The following DLGAP1 variants were observed in gnomAD, a reference collection of about 807,000 sequenced individuals.
DLGAP1 encodes DLG associated protein 1.
DLGAP1 carries 11 observed loss-of-function variants against 90.8 expected under a neutral mutation model. That is an observed-to-expected ratio of 0.12 (90% confidence interval 0.08 to 0.20). DLGAP1 has a LOEUF of 0.20. Ranked by LOEUF, DLGAP1 falls within the 10% of genes least tolerant of loss-of-function variation. DLGAP1 has a pLI of 1.00. For missense variants in DLGAP1, 1,050 were observed against 1,333.8 expected, an observed-to-expected ratio of 0.79 and a Z score of 3.31; for synonymous variants, 558 against 540.7, an observed-to-expected ratio of 1.03 and a Z score of -0.44.
intron 1 of DLGAP1, among the ~76,000 whole-genome samples, chr18:4,227,115 T>G (rs2145020687): frequency 6.6e-6 from 1 of 151,968 alleles, no homozygotes; most frequent in South Asian, 2.1e-4. Flanking sequence ...AAAAATAAGG[T>G]CATTATATAA....
At chr18:4,194,174 T>C (rs552809291) in intron 1 of DLGAP1, among the ~76,000 whole-genome samples, 2 of 152,268 alleles carry the variant, frequency 1.3e-5, no homozygotes, top group East Asian at 1.9e-4. Context: ...TCCGCACCAG[T>C]AGACCACAGG....
chr18:4,372,886 C>A (rs2081945701), intron 1 of DLGAP1, among the ~76,000 whole-genome samples: 1 of 151,792 alleles, frequency 6.6e-6, no homozygotes, highest in African/African-American at 2.4e-5. Context: ...CGAGATCAAG[C>A]CACTATACTC....
At chr18:3,714,636 G>C (rs1228173959) in intron 7 of DLGAP1, among the ~76,000 whole-genome samples, 1 of 133,080 alleles carries the variant, frequency 7.5e-6, no homozygotes, top group African/African-American at 3.1e-5. Context: ...AGCTGATTAC[G>C]TGGTTTTTTT....
chr18:3,988,970 C>T (rs1427097633), intron 3 of DLGAP1, among the ~76,000 whole-genome samples: 1 of 152,192 alleles, frequency 6.6e-6, no homozygotes, highest in African/African-American at 2.4e-5. Flanking sequence ...ATGAATTCCT[C>T]GTCACTGTCC....
At chr18:3,652,182 A>AAAAAAG (rs2059336109) in intron 7 of DLGAP1, among the ~76,000 whole-genome samples, 1 of 135,746 alleles carries the variant, frequency 7.4e-6, no homozygotes, top group African/African-American at 3.6e-5. Flanking sequence ...AAAAAAAAAG[A>AAAAAAG]AAAGAAAGAA....
intron 2 of DLGAP1, among the ~76,000 whole-genome samples, chr18:4,113,569 A>G (rs990782896): frequency 6.6e-6 from 1 of 151,940 alleles, no homozygotes; most frequent in African/African-American, 2.4e-5. Flanking sequence ...TCTGTAGGTT[A>G]TCTGTTTACT....
chr18:3,780,729 A>G lies in DLGAP1; in HGVS notation c.1172+33330T>C, dbSNP rs186392776. Among the ~76,000 whole-genome samples, 121 of 152,316 alleles carry G rather than the reference A, an allele frequency of 7.9e-4. 1 individual carries two copies. Among genetic ancestry groups the G allele is most frequent in the African/African-American group, 2.7e-3 (113 of 41,570 alleles). The stretch of plus-strand genomic sequence containing the variant: ...GATGTGGATATCTTTGCAGGCTATT[A>G]TTCTGTCTGCCACAAGATCCTTTCA... On this transcript the variant is annotated intron_variant, in intron 5 of 12. Coordinates refer to ENST00000315677, the MANE Select transcript of DLGAP1 (RefSeq NM_004746.4).
chr18:4,236,310 C>A (rs755576364), intron 1 of DLGAP1, among the ~76,000 whole-genome samples: 1 of 152,108 alleles, frequency 6.6e-6, no homozygotes, highest in Non-Finnish European at 1.5e-5. Flanking sequence ...AGTAGAAGTG[C>A]CATAATTCCT....
At chr18:4,223,123 A>G (rs920124113) in intron 1 of DLGAP1, among the ~76,000 whole-genome samples, 1 of 152,058 alleles carries the variant, frequency 6.6e-6, no homozygotes, top group African/African-American at 2.4e-5. Context: ...AAATACTGTT[A>G]TTATTTTCTT....
At chr18:3,846,805 C>A (rs2069043705) in intron 4 of DLGAP1, among the ~76,000 whole-genome samples, 1 of 151,888 alleles carries the variant, frequency 6.6e-6, no homozygotes, top group Non-Finnish European at 1.5e-5. Context: ...GTAGGGGGAC[C>A]AGGAAGTGAT....
At chr18:3,704,995 TTTGGGGA>T (rs2061389744) in intron 7 of DLGAP1, among the ~76,000 whole-genome samples, 1 of 152,204 alleles carries the variant, frequency 6.6e-6, no homozygotes. Context: ...TAACACTATA[TTTGGGGA>T]TTCCAGAATT....
intron 3 of DLGAP1, among the ~76,000 whole-genome samples, chr18:3,893,109 G>A (rs1340344364): frequency 1.3e-5 from 2 of 151,644 alleles, no homozygotes; most frequent in African/African-American, 4.8e-5. Flanking sequence ...TTATGTCCAC[G>A]TGTACACATT....
At chr18:4,414,976 T>C (rs1014939813) in intron 1 of DLGAP1, among the ~76,000 whole-genome samples, 1 of 152,128 alleles carries the variant, frequency 6.6e-6, no homozygotes, top group Non-Finnish European at 1.5e-5. Flanking sequence ...CTTTCAGTGA[T>C]ATTATACAAA....
chr18:3,694,370 T>C (rs1324500525), intron 7 of DLGAP1, among the ~76,000 whole-genome samples: 2 of 152,216 alleles, frequency 1.3e-5, no homozygotes, highest in Non-Finnish European at 2.9e-5. Flanking sequence ...GTCTTTATAG[T>C]AGAATGATTT....
In DLGAP1 at chr18:4,271,264, C is replaced by T. The variant is rs924850723; in HGVS notation, c.-266-119977G>A. On this transcript the variant is annotated intron_variant, in intron 1 of 12. Coordinates refer to ENST00000315677, the MANE Select transcript of DLGAP1 (RefSeq NM_004746.4). ...GACCAATATTTTTGAAGCTCCCTCC[C>T]GAAGTACTTCTAATGATTGTTAATC... Among the ~76,000 whole-genome samples, 8 of 152,212 alleles carry T rather than the reference C, an allele frequency of 5.3e-5. No homozygotes were observed. In the South Asian group the frequency reaches 8.3e-4, roughly 16 times the overall value.
chr18:3,721,126 G>A (rs1003661293), intron 7 of DLGAP1, among the ~76,000 whole-genome samples: 1 of 152,024 alleles, frequency 6.6e-6, no homozygotes, highest in Non-Finnish European at 1.5e-5. Flanking sequence ...CATTGAGAGA[G>A]CCTGTTTTTC....
At chr18:4,129,549 T>C (rs950319244) in intron 2 of DLGAP1, among the ~76,000 whole-genome samples, 17 of 152,162 alleles carry the variant, frequency 1.1e-4, no homozygotes, top group African/African-American at 3.9e-4. Flanking sequence ...TCTGCTTTCT[T>C]GTAGATATGT....
chr18:3,730,103 T>G (rs761100496), intron 6 of DLGAP1, among the ~76,000 whole-genome samples: 1 of 152,190 alleles, frequency 6.6e-6, no homozygotes, highest in Non-Finnish European at 1.5e-5. Flanking sequence ...AAAAAGCCCA[T>G]ATGGGCTGAC....
chr18:4,145,896 G>A (rs969364287), intron 2 of DLGAP1, among the ~76,000 whole-genome samples: 4 of 152,002 alleles, frequency 2.6e-5, no homozygotes, highest in Non-Finnish European at 5.9e-5. Context: ...TTGACACTGA[G>A]GAATCACTCT....
Sources: allele counts gnomAD v4.1 joint callset (sites outside exome capture counted in the v4.1 genomes callset), GRCh38; gene constraint gnomAD v4.1.1; transcripts MANE v1.5; gene names NCBI Gene and HGNC (gene_info 2026-07-23, HGNC 2026-07-21).